Variants in GRIN2A observed in about 807,000 individuals in gnomAD.
GRIN2A encodes the protein glutamate ionotropic receptor NMDA type subunit 2A, also known as glutamate receptor ionotropic, NMDA 2A.
Under a neutral mutation model 113.4 loss-of-function variants are expected in GRIN2A, and 22 were observed. The observed-to-expected ratio is 0.19, with a 90% CI of 0.14 to 0.28. The LOEUF is 0.28. Ranked by LOEUF, GRIN2A falls within the 10% of genes least tolerant of loss-of-function variation. GRIN2A has a pLI of 1.00. For missense variants in GRIN2A, 1,502 were observed against 1,887.0 expected (o/e 0.80, Z 3.78); for synonymous variants, 827 against 738.4 (o/e 1.12, Z -1.94).
intron 2 of GRIN2A, among the ~76,000 whole-genome samples, chr16:9,977,304 G>A (rs566873035): frequency 1.3e-5 from 2 of 149,550 alleles, no homozygotes; most frequent in Admixed American, 1.3e-4. Flanking sequence ...AGGGAGGAAG[G>A]GGGGAGGGAG....
At chr16:10,130,651 A>T (rs1303751954) in intron 2 of GRIN2A, among the ~76,000 whole-genome samples, 1 of 152,198 alleles carries the variant, frequency 6.6e-6, no homozygotes, top group Non-Finnish European at 1.5e-5. Flanking sequence ...ACATCACATG[A>T]TGGAATGTTG....
intron 2 of GRIN2A, among the ~76,000 whole-genome samples, chr16:9,951,164 C>T (rs753418015): frequency 3.3e-5 from 5 of 152,148 alleles, no homozygotes; most frequent in Non-Finnish European, 7.4e-5. Context: ...GCTTCTTCCT[C>T]TGGAAGCAAT....
intron 7 of GRIN2A, among the ~76,000 whole-genome samples, chr16:9,838,285 T>C (rs762030807): frequency 6.6e-5 from 10 of 152,164 alleles, no homozygotes; most frequent in Non-Finnish European, 1.2e-4. Flanking sequence ...ATCCAGCAAT[T>C]TCACTACTGG....
intron 4 of GRIN2A, among the ~76,000 whole-genome samples, chr16:9,867,329 C>T (rs576906646): frequency 2.0e-5 from 3 of 152,272 alleles, no homozygotes; most frequent in Admixed American, 1.3e-4. Flanking sequence ...CTATTTCAAA[C>T]CTTCACACCT....
chr16:10,039,518 C>A (rs1329235091), intron 2 of GRIN2A, among the ~76,000 whole-genome samples: 3 of 152,020 alleles, frequency 2.0e-5, no homozygotes, highest in Non-Finnish European at 4.4e-5. Flanking sequence ...GCTCCTCTCC[C>A]TAGGGGCAGG....
chr16:9,907,251 G>A (rs774484395), intron 3 of GRIN2A, among the ~76,000 whole-genome samples: 9 of 152,174 alleles, frequency 5.9e-5, no homozygotes, highest in African/African-American at 1.7e-4. Flanking sequence ...GAGTGAGATC[G>A]TTGTATGGAT....
intron 2 of GRIN2A, among the ~76,000 whole-genome samples, chr16:9,969,327 T>A (rs1357266220): frequency 2.0e-5 from 3 of 152,176 alleles, no homozygotes; most frequent in Non-Finnish European, 4.4e-5. Flanking sequence ...TTCTCTTATA[T>A]CCCCCTATCA....
At chr16:9,823,807 A>G (rs1188836872) in intron 9 of GRIN2A, among the ~76,000 whole-genome samples, 2 of 152,170 alleles carry the variant, frequency 1.3e-5, no homozygotes, top group Non-Finnish European at 2.9e-5. Flanking sequence ...GTCTGACCAC[A>G]GGCTGAGGTC....
intron 5 of GRIN2A, among the ~76,000 whole-genome samples, chr16:9,846,123 G>A (rs535781886): frequency 1.2e-4 from 18 of 152,288 alleles, no homozygotes; most frequent in African/African-American, 4.1e-4. Context: ...AACATGGTCT[G>A]TTTCACACAA....
intron 2 of GRIN2A, among the ~76,000 whole-genome samples, chr16:10,155,108 C>CT (rs1017900833): frequency 1.3e-5 from 2 of 152,112 alleles, no homozygotes; most frequent in Admixed American, 1.3e-4. Flanking sequence ...TTGGCTTAAA[C>CT]TTTTTTCTGT....
chr16:10,176,278 T>A (rs913668771), intron 2 of GRIN2A, among the ~76,000 whole-genome samples: 1 of 152,182 alleles, frequency 6.6e-6, no homozygotes, highest in Admixed American at 6.5e-5. Flanking sequence ...GTGCTAGGAT[T>A]ACAGGTGTGA....
intron 11 of GRIN2A, 179 bp from the exon 12 acceptor site, chr16:9,769,268 G>A: frequency 1.7e-6 from 1 of 585,574 alleles, no homozygotes; most frequent in South Asian, 2.0e-5. Flanking sequence ...TGATTACATA[G>A]CCTACCTAAT....
chr16:9,776,576 G>T lies in GRIN2A; in HGVS notation c.2357-7487C>A, dbSNP rs75426353. 2.6e-3 allele frequency among the ~76,000 whole-genome samples: 399 copies of T among 152,212 alleles called. 20 individuals are homozygous for T. In the East Asian group the frequency reaches 0.063, roughly 24 times the overall value. On this transcript the variant is annotated intron_variant, in intron 11 of 12. Transcript: ENST00000330684. ...TAGATTCTGAAACCCAGAAATCAAGGCTGGCTCTTGGGCGAGTATGTTCTC... is the reference window on the plus strand; with the variant it reads ...TAGATTCTGAAACCCAGAAATCAAGTCTGGCTCTTGGGCGAGTATGTTCTC...
intron 2 of GRIN2A, among the ~76,000 whole-genome samples, chr16:10,087,216 A>T (rs1391664331): frequency 2.0e-5 from 3 of 152,230 alleles, no homozygotes; most frequent in Non-Finnish European, 4.4e-5. Flanking sequence ...CAATGATAAT[A>T]ATCACTACTA....
intron 2 of GRIN2A, among the ~76,000 whole-genome samples, chr16:10,040,574 A>ACAGCAGACATACAAACCCACATATT (rs2047144811): frequency 8.8e-5 from 2 of 22,816 alleles, no homozygotes; most frequent in Non-Finnish European, 1.7e-4. Context: ...CCACATATTC[A>ACAGCAGACATACAAACCCACATATT]CACACACACA....
intron 2 of GRIN2A, among the ~76,000 whole-genome samples, chr16:10,132,158 C>G (rs1384086063): frequency 6.6e-6 from 1 of 151,802 alleles, no homozygotes; most frequent in Non-Finnish European, 1.5e-5. Flanking sequence ...ATAGTGAAAT[C>G]CCATCTCTTC....
intron 2 of GRIN2A, among the ~76,000 whole-genome samples, chr16:10,109,700 T>C (rs1002139278): frequency 3.3e-5 from 5 of 151,254 alleles, no homozygotes; most frequent in African/African-American, 9.7e-5. Context: ...AGTGTGACTA[T>C]AGTCAATAAT....
chr16:10,114,367 G>C (rs1369642150), intron 2 of GRIN2A, among the ~76,000 whole-genome samples: 1 of 152,168 alleles, frequency 6.6e-6, no homozygotes, highest in Non-Finnish European at 1.5e-5. Context: ...AAGAGATTAT[G>C]TGCGGGTAAA....
intron 2 of GRIN2A, among the ~76,000 whole-genome samples, chr16:10,025,291 G>A (rs2046798804): frequency 7.8e-6 from 1 of 127,972 alleles, no homozygotes; most frequent in Admixed American, 9.7e-5. Flanking sequence ...GACGCAGCAG[G>A]GTCTTTTTTT....
Sources: allele counts gnomAD v4.1 joint callset (sites outside exome capture counted in the v4.1 genomes callset), GRCh38; gene constraint gnomAD v4.1.1; transcripts MANE v1.5; gene names NCBI Gene and HGNC (gene_info 2026-07-23, HGNC 2026-07-21).